The following PPM1M variants were observed in gnomAD, a reference collection of about 807,000 sequenced individuals.
PPM1M encodes the protein protein phosphatase, Mg2+/Mn2+ dependent 1M, also known as protein phosphatase 1M.
In PPM1M, 44 loss-of-function variants were observed where a neutral mutation model predicts 50.8. The observed-to-expected ratio is 0.87, with a 90% CI of 0.68 to 1.11. The LOEUF (loss-of-function observed/expected upper bound fraction) is 1.11, where lower values mean the gene tolerates loss of function less well. Among genes scored for constraint, PPM1M ranks in the 50% most tolerant of loss-of-function variants. PPM1M has a pLI of 0.00. For synonymous variants in PPM1M, 224 were observed against 242.9 expected, an observed-to-expected ratio of 0.92 and a Z score of 0.72; for missense variants, 556 against 593.4, an observed-to-expected ratio of 0.94 and a Z score of 0.66.
intron 1 of PPM1M, 44 bp from the exon 2 acceptor site, chr3:52,246,651 A>C: frequency 8.1e-7 from 1 of 1,233,128 alleles, no homozygotes; most frequent in Non-Finnish European, 1.1e-6. Context: ...CCATGGGGAC[A>C]TAGGTGTGTC....
At chr3:52,248,507 G>A (rs1366328057) in intron 6 of PPM1M, 54 bp downstream of exon 6, 9 of 1,592,004 alleles carry the variant, frequency 5.7e-6, no homozygotes, top group African/African-American at 4.0e-5. Flanking sequence ...TCCAGGCCCA[G>A]CCGTATGGCC....
In PPM1M at chr3:52,249,737, G is replaced by C. The variant is rs1458749975; in HGVS notation, c.1303G>C (p.Gly435Arg). Residue 435 changes from glycine to arginine, a missense_variant, in exon 10 of 10, where the codon GGG becomes CGG. By Grantham distance (125) the Gly-to-Arg change is moderately radical (BLOSUM62 -2). Transcript: ENST00000323588. ...AAAGGAAGACAGTCTCACAGAGGAA[G>C]GGCAGGTGTCCTACGATGACGTCTC... ...QGKEDSLTEE[G>R]QVSYDDVSVF... 1 of 1,613,852 alleles carries C rather than the reference G, an allele frequency of 6.2e-7. No homozygotes were observed. The highest frequency in any genetic ancestry group is 2.2e-5 in the East Asian group (1 of 44,892).
At position 52,249,895 on chromosome 3, in the gene PPM1M, C is replaced by G. The variant is rs751088713; in HGVS notation, c.*81C>G. 6 of 1,357,714 alleles carry G rather than the reference C, an allele frequency of 4.4e-6. No individual in the cohort carries two copies. The highest frequency in any genetic ancestry group is 6.1e-6 in the Non-Finnish European group (6 of 982,782). 84.1% of individuals were successfully genotyped at this position (1,357,714 alleles called of 1,614,324 possible). On this transcript the variant is annotated 3_prime_UTR_variant, in exon 10 of 10. Coordinates refer to ENST00000323588, the MANE Select transcript of PPM1M (RefSeq NM_144641.4). ...CCCTCCAGTGTGACCAAGAGCAAAT[C>G]CTGCCTGCCCTATCCCTAGCCACCG...
intron 1 of PPM1M, chr3:52,246,296 G>C (rs1259177385): frequency 2.9e-6 from 3 of 1,030,946 alleles, no homozygotes; most frequent in Middle Eastern, 4.8e-4. Context: ...GGGCTTCCAA[G>C]ATGAGGCCCA....
intron 9 of PPM1M, 128 bp downstream of exon 9, chr3:52,249,450 C>A: frequency 7.4e-7 from 1 of 1,346,012 alleles, no homozygotes; most frequent in Non-Finnish European, 1.0e-6. Context: ...CTGTCTCAAG[C>A]TTCTTGGAGG....
intron 4 of PPM1M, 76 bp downstream of exon 4, chr3:52,247,870 C>A: frequency 1.0e-6 from 1 of 970,546 alleles, no homozygotes; most frequent in Non-Finnish European, 1.6e-6. Context: ...GCAAAGGTGG[C>A]TGGAAGTGGA....
chr3:52,247,719 A>C lies in PPM1M; in HGVS notation c.635A>C (p.Gln212Pro). ...VIGRELEASGQMGGCTALVAV... is the reference protein window; with the variant it reads ...VIGRELEASGPMGGCTALVAV... ...GGGCGGGAGCTGGAGGCCTCAGGCC[A>C]GATGGGCGGCTGCACAGCCCTGGTG... Residue 212 changes from glutamine (Q) to proline (P), a missense_variant, in exon 4 of 10, where the codon CAG becomes CCG. By Grantham distance (76) the Gln-to-Pro change is moderately conservative (BLOSUM62 -1). Transcript: ENST00000323588. 6.3e-7 allele frequency: 1 copy of C among 1,583,912 alleles called. No individual in the cohort carries two copies. Among genetic ancestry groups the C allele is most frequent in the Admixed American group, 1.7e-5 (1 of 58,042 alleles).
At chr3:52,248,851 AG>A in intron 7 of PPM1M, 104 bp from the exon 8 acceptor site, 1 of 1,250,318 alleles carries the variant, frequency 8.0e-7, no homozygotes, top group Non-Finnish European at 1.2e-6. Flanking sequence ...AAGGCTTCCA[AG>A]GGCCACAGTC....
In PPM1M at chr3:52,249,313, A is replaced by T. The variant is rs564420375; in HGVS notation, c.1226A>T (p.Asp409Val). ...AGCTTCCTCCCTGGGAACCAAGAGG[A>T]CCCACACAGGTACTGTAGCTGCTGG... The part of the protein sequence containing the change: ...VRSFLPGNQE[D>V]PHRFSKLAQM... Residue 409 changes from aspartate to valine, a missense_variant, in exon 9 of 10, where the codon GAC becomes GTC. Asp to Val is a radical substitution (Grantham distance 152). Coordinates refer to ENST00000323588, the MANE Select transcript of PPM1M (RefSeq NM_144641.4). The T allele has an allele frequency of 2.1e-5, 34 of 1,601,480 alleles. No homozygotes were observed. The highest frequency in any genetic ancestry group is 2.7e-5 in the Non-Finnish European group (32 of 1,173,982).
chr3:52,249,279 C>T lies in PPM1M; in HGVS notation c.1192C>T (p.Leu398=), dbSNP rs1278190697. Reference sequence around the variant, plus strand: ...ACTGTCCAACGAGCAGGTGGCATGGCTGGTGCGGAGCTTCCTCCCTGGGAA... The same window carrying T: ...ACTGTCCAACGAGCAGGTGGCATGGTTGGTGCGGAGCTTCCTCCCTGGGAA... ...DVLSNEQVAW[L]VRSFLPGNQE... The change falls in exon 9 of 10, where the codon CTG becomes TTG. Residue 398 remains leucine (L), a synonymous_variant. Transcript: ENST00000323588. 18 of 1,612,556 alleles carry T rather than the reference C, an allele frequency of 1.1e-5. No homozygotes were observed. Among genetic ancestry groups the T allele is most frequent in the Non-Finnish European group, 1.5e-5 (18 of 1,179,264 alleles).
intron 5 of PPM1M, 35 bp downstream of exon 5, chr3:52,248,272 T>TC: frequency 2.5e-6 from 4 of 1,608,384 alleles, no homozygotes; most frequent in Non-Finnish European, 3.4e-6. Flanking sequence ...GCTGTGAAGC[T>TC]CCAACTCCTG....
intron 9 of PPM1M, 22 bp from the exon 10 acceptor site, chr3:52,249,648 A>G (rs201331169): frequency 8.7e-6 from 14 of 1,613,008 alleles, no homozygotes; most frequent in Non-Finnish European, 1.1e-5. Flanking sequence ...CCTGAAGTCT[A>G]TCTGCAGGAT....
intron 2 of PPM1M, 31 bp from the exon 3 acceptor site, chr3:52,246,943 C>T (rs1310400002): frequency 1.3e-6 from 2 of 1,525,758 alleles, no homozygotes; most frequent in Non-Finnish European, 1.8e-6. Context: ...GGAAGTCAGG[C>T]AGAGGCTGAC....
intron 3 of PPM1M, 73 bp downstream of exon 3, chr3:52,247,301 T>C: frequency 1.3e-6 from 2 of 1,517,750 alleles, no homozygotes; most frequent in Non-Finnish European, 1.8e-6. Context: ...GGCATCTCTG[T>C]ATACCCATGG....
At chr3:52,249,449 GCTT>G (rs1699924517) in intron 9 of PPM1M, 127 bp downstream of exon 9, 1 of 1,347,990 alleles carries the variant, frequency 7.4e-7, no homozygotes, top group African/African-American at 1.4e-5. Flanking sequence ...GCTGTCTCAA[GCTT>G]CTTGGAGGAG....
At position 52,249,251 on chromosome 3, in the gene PPM1M, T is replaced by C. The variant is rs142207841; in HGVS notation, c.1164T>C (p.Asp388=). 4.8e-5 allele frequency: 77 copies of C among 1,613,902 alleles called. No individual in the cohort carries two copies. The African/African-American group carries it at 1.0e-3, about 21-fold the overall frequency. Residue 388 remains aspartate (D), a synonymous_variant, in exon 9 of 10, where the codon GAT becomes GAC. Transcript: ENST00000323588. ...TCATGGCAACTGATGGACTCTGGGA[T>C]GTACTGTCCAACGAGCAGGTGGCAT... ...VVVMATDGLW[D]VLSNEQVAWL...
At chr3:52,248,113 A>T in intron 4 of PPM1M, 40 bp from the exon 5 acceptor site, 1 of 1,546,160 alleles carries the variant, frequency 6.5e-7, no homozygotes, top group Admixed American at 1.9e-5. Context: ...GTGAGGGTGG[A>T]GGCCTCCTCC....
At chr3:52,246,193 A>C in intron 1 of PPM1M, 145 bp downstream of exon 1, 2 of 1,011,712 alleles carry the variant, frequency 2.0e-6, no homozygotes, top group Non-Finnish European at 2.4e-6. Context: ...CCGAATCCTG[A>C]CAACTTCCCG....
At position 52,246,419 on chromosome 3, in the gene PPM1M, C is replaced by G. The variant is rs947394041; in HGVS notation, c.225-276C>G. ...CTGTATGGGACAGGGCTTTGGGCTGCGACAGGACAGGGGCAGGAATGGCAA... is the reference window on the plus strand; with the variant it reads ...CTGTATGGGACAGGGCTTTGGGCTGGGACAGGACAGGGGCAGGAATGGCAA... On this transcript the variant is annotated intron_variant, in intron 1 of 9. Transcript: ENST00000323588. 14 of 1,043,198 alleles carry G rather than the reference C, an allele frequency of 1.3e-5. No homozygotes were observed. The African/African-American group carries it at 2.3e-4, about 17-fold the overall frequency. 64.6% of individuals were successfully genotyped at this position (1,043,198 alleles called of 1,614,324 possible).
Sources: gnomAD v4.1 joint callset for allele counts on GRCh38, gnomAD v4.1.1 for gene constraint, MANE v1.5 for transcripts, NCBI Gene and HGNC (gene_info 2026-07-23, HGNC 2026-07-21) for gene names.